MADCAM1: variants seen among roughly 807,000 people sequenced by gnomAD.
MADCAM1 encodes the protein mucosal addressin cell adhesion molecule 1.
In MADCAM1, 19 loss-of-function variants were observed where a neutral mutation model predicts 26.1. The ratio of observed to expected loss-of-function variants is 0.73; its 90% CI spans 0.51 to 1.07. The LOEUF (loss-of-function observed/expected upper bound fraction) is 1.07, where lower values mean the gene tolerates loss of function less well. Among genes scored for constraint, MADCAM1 ranks in the 50% least tolerant of loss-of-function variants. The pLI is 0.00. For synonymous variants in MADCAM1, 268 were observed against 260.9 expected (o/e 1.03, Z -0.26); for missense variants, 514 against 542.1 (o/e 0.95, Z 0.51).
intron 2 of MADCAM1, 66 bp from the exon 3 acceptor site, chr19:498,430 C>A: frequency 7.1e-7 from 1 of 1,405,188 alleles, no homozygotes; most frequent in Non-Finnish European, 9.2e-7. Flanking sequence ...CCTCCGGGCT[C>A]CGGCCCCTCC....
intron 4 of MADCAM1, among the ~76,000 whole-genome samples, chr19:503,737 G>A (rs1978475394): frequency 6.6e-6 from 1 of 151,594 alleles, no homozygotes; most frequent in South Asian, 2.1e-4. Context: ...GGGTGACAGA[G>A]CAAGACTCAG....
rs189730922 is a variant in MADCAM1, at chr19:503,466, A to G, written c.929-1279A>G. Among the ~76,000 whole-genome samples, 704 of 144,368 alleles carry G rather than the reference A, an allele frequency of 4.9e-3. 8 individuals carry two copies. The highest frequency in any genetic ancestry group is 0.017 in the African/African-American group (668 of 38,392). 94.7% of individuals were successfully genotyped at this position (144,368 alleles called of 152,430 possible). A position where few individuals can be genotyped will look rare whatever the true frequency, so the allele number is the denominator to read the frequency against. ...CGTGGCAGCGGGCGCCTGTAGTCCC[A>G]GCTACTCGGGAGGCTGAGGCAGGAG... On this transcript the variant is annotated intron_variant, in intron 4 of 4. Transcript: ENST00000215637.
At chr19:497,504 T>C (rs1188615785) in intron 1 of MADCAM1, among the ~76,000 whole-genome samples, 1 of 109,338 alleles carries the variant, frequency 9.1e-6, no homozygotes, top group South Asian at 3.4e-4. Flanking sequence ...TAGGGGGTGA[T>C]TGGTGATCCT....
intron 2 of MADCAM1, 95 bp from the exon 3 acceptor site, chr19:498,401 T>C (rs1978296489): frequency 8.5e-6 from 11 of 1,300,918 alleles, no homozygotes; most frequent in Non-Finnish European, 9.9e-6. Flanking sequence ...CCACGCATCC[T>C]TGGCCCCAGC....
At chr19:504,155 T>A (rs1978496266) in intron 4 of MADCAM1, among the ~76,000 whole-genome samples, 1 of 151,460 alleles carries the variant, frequency 6.6e-6, no homozygotes, top group Admixed American at 6.6e-5. Context: ...ATGAAGGAGA[T>A]ATATTACATT....
At position 501,485 on chromosome 19, in the gene MADCAM1, CAAAAAAAAAAAAAAAAAAAAAA is replaced by C. The variant is rs60370701; in HGVS notation, c.668-173_668-152del. 8.6e-5 allele frequency: 7 copies of C among 81,422 alleles called. No individual in the cohort carries two copies. In the East Asian group the frequency reaches 1.7e-3, roughly 19 times the overall value. 5.0% of individuals were successfully genotyped at this position (81,422 alleles called of 1,614,324 possible). On this transcript the variant is annotated intron_variant, in intron 3 of 4. Transcript: ENST00000215637. ...GGGTAACAAGAGCAAAACTCTGTCT[CAAAAAAAAAAAAAAAAAAAAAA>C]AAAAAAAAAAGAATAAATGGAAATG...
At chr19:501,019 C>T (rs1319740359) in intron 3 of MADCAM1, among the ~76,000 whole-genome samples, 1 of 151,908 alleles carries the variant, frequency 6.6e-6, no homozygotes, top group African/African-American at 2.4e-5. Flanking sequence ...GACCTCCCAT[C>T]TCTACAAAAA....
chr19:501,562 C>A, intron 3 of MADCAM1, 107 bp from the exon 4 acceptor site: 1 of 1,097,002 alleles, frequency 9.1e-7, no homozygotes, highest in Non-Finnish European at 1.3e-6. Flanking sequence ...AGGGAAGGGG[C>A]TTGGAGGGGT....
intron 3 of MADCAM1, among the ~76,000 whole-genome samples, chr19:500,683 A>T (rs1978317368): frequency 6.6e-6 from 1 of 152,164 alleles, no homozygotes; most frequent in Non-Finnish European, 1.5e-5. Context: ...AGCCTGACCA[A>T]CATGGTGAAA....
chr19:499,797 C>T (rs1419257334), intron 3 of MADCAM1: 8 of 456,276 alleles, frequency 1.8e-5, no homozygotes, highest in Non-Finnish European at 2.6e-5. Context: ...TAATGTGGGC[C>T]GGTGCCCTGG....
At chr19:503,306 G>C (rs1568318610) in intron 4 of MADCAM1, among the ~76,000 whole-genome samples, 1 of 148,384 alleles carries the variant, frequency 6.7e-6, no homozygotes, top group East Asian at 2.1e-4. Context: ...AATGGGCCGG[G>C]CACGGTGGCT....
In MADCAM1 at chr19:497,900, C is replaced by G; in HGVS notation, c.120C>G (p.Gly40=). 1 of 1,366,482 alleles carries G rather than the reference C, an allele frequency of 7.3e-7. No homozygotes were observed. Among genetic ancestry groups the G allele is most frequent in the South Asian group, 1.7e-5 (1 of 57,324 alleles). 84.6% of individuals were successfully genotyped at this position (1,366,482 alleles called of 1,614,324 possible). The change falls in exon 2 of 5, where the codon GGC becomes GGG. Residue 40 remains glycine, a synonymous_variant. Transcript: ENST00000215637. ...PPEPVVAVAL[G]ASRQLTCRLA... ...AGCCGGTGGTGGCCGTGGCCTTGGG[C>G]GCCTCGCGCCAGCTCACCTGCCGCC...
chr19:503,986 C>G (rs147933428), intron 4 of MADCAM1, among the ~76,000 whole-genome samples: 40 of 149,996 alleles, frequency 2.7e-4, no homozygotes, highest in African/African-American at 9.8e-4. Context: ...ACCCGGGAGG[C>G]GGAAGTGGCA....
At chr19:498,433 G>T in intron 2 of MADCAM1, 63 bp from the exon 3 acceptor site, 2 of 1,403,938 alleles carry the variant, frequency 1.4e-6, no homozygotes, top group South Asian at 3.5e-5. Context: ...CCGGGCTCCG[G>T]CCCCTCCATC....
At chr19:501,333 A>G (rs1313216362) in intron 3 of MADCAM1, among the ~76,000 whole-genome samples, 1 of 151,450 alleles carries the variant, frequency 6.6e-6, no homozygotes, top group Non-Finnish European at 1.5e-5. Context: ...TAAAAATACA[A>G]AATTAGCCAG....
chr19:498,939 T>C, intron 3 of MADCAM1, 114 bp downstream of exon 3: 1 of 1,346,078 alleles, frequency 7.4e-7, no homozygotes, highest in Non-Finnish European at 1.0e-6. Context: ...CTGGGAGGAC[T>C]GGATTCCCCC....
chr19:499,489 C>G (rs902963133), intron 3 of MADCAM1, among the ~76,000 whole-genome samples: 1 of 152,156 alleles, frequency 6.6e-6, no homozygotes, highest in Non-Finnish European at 1.5e-5. Context: ...CACAAGCACA[C>G]ACGGGAACAA....
At chr19:503,325 T>A (rs896516292) in intron 4 of MADCAM1, among the ~76,000 whole-genome samples, 8 of 148,534 alleles carry the variant, frequency 5.4e-5, no homozygotes, top group African/African-American at 2.0e-4. Flanking sequence ...CTTATGCCTG[T>A]AATCCCTGCA....
rs1392001254 is a variant in MADCAM1 at position 505,323 on chromosome 19, A to G, written c.*358A>G. 2 of 224,182 alleles carry G rather than the reference A, an allele frequency of 8.9e-6. No individual in the cohort carries two copies. The highest frequency in any genetic ancestry group is 1.7e-5 in the Non-Finnish European group (2 of 114,664). The allele number at this position is 224,182 out of a possible 1,614,324, so 13.9% of individuals were successfully genotyped here. Reference sequence around the variant, plus strand: ...GTCAGGACCTCCTGAGGCTTTGGCAAATAAACCTCCTAAAATGATACAAAC... The same window carrying G: ...GTCAGGACCTCCTGAGGCTTTGGCAGATAAACCTCCTAAAATGATACAAAC... On this transcript the variant is annotated 3_prime_UTR_variant, in exon 5 of 5. Transcript: ENST00000215637.
Sources: gnomAD v4.1 joint callset for allele counts (sites outside exome capture counted in the v4.1 genomes callset) on GRCh38, gnomAD v4.1.1 for gene constraint, MANE v1.5 for transcripts, NCBI Gene and HGNC (gene_info 2026-07-23, HGNC 2026-07-21) for gene names.